DEPDC1: variants seen among roughly 807,000 people sequenced by gnomAD.
DEPDC1 encodes the protein DEP domain containing 1.
DEPDC1 carries 66 observed loss-of-function variants against 86.8 expected under a neutral mutation model. The observed-to-expected ratio is 0.76, with a 90% CI of 0.62 to 0.93. The LOEUF (loss-of-function observed/expected upper bound fraction) is 0.93. Ranked by LOEUF, DEPDC1 falls within the 40% of genes least tolerant of loss-of-function variation. The pLI is 0.00. For missense variants in DEPDC1, 792 were observed against 935.7 expected, an observed-to-expected ratio of 0.85 and a Z score of 2.00; for synonymous variants, 255 against 314.9, an observed-to-expected ratio of 0.81 and a Z score of 2.02.
rs1216230206 is a variant in DEPDC1 at position 68,488,927 on chromosome 1, A to G, written c.579T>C (p.Val193=). The G allele has an allele frequency of 9.5e-6, 15 of 1,574,872 alleles. No homozygotes were observed. Among genetic ancestry groups the G allele is most frequent in the Non-Finnish European group, 1.2e-5 (14 of 1,146,706 alleles). Residue 193 remains valine (V), a synonymous_variant, in exon 4 of 12, where the codon GTT becomes GTC. Transcript: ENST00000456315. ...TAATTTTATCTTACTAGATCAGAATAACATATCTCCAAACTTCTTCAACAT... is the reference window on the plus strand; with the variant it reads ...TAATTTTATCTTACTAGATCAGAATGACATATCTCCAAACTTCTTCAACAT... ...QEDVEEVWRY[V]ILIYLQTILG...
chr1:68,480,908 C>A lies in DEPDC1; in HGVS notation c.1935+532G>T, dbSNP rs17130705. Among the ~76,000 whole-genome samples, 1,312 of 152,026 alleles carry A rather than the reference C, an allele frequency of 8.6e-3. 16 individuals carry two copies. Among genetic ancestry groups the A allele is most frequent in the African/African-American group, 0.031 (1,268 of 41,498 alleles). ...AAGATACTATTTCAAGAGTTCATTT[C>A]CAATCAATTGTCTGCATATAAATGC... On this transcript the variant is annotated intron_variant, in intron 9 of 11. Transcript: ENST00000456315.
rs1646109358 is a variant in DEPDC1, at chr1:68,475,528, C to T, written c.*1404G>A. On this transcript the variant is annotated 3_prime_UTR_variant, in exon 12 of 12. Transcript: ENST00000456315. ...AAAATCAGTAATGTTAAATGGAATACTATCATTTTATAGAGAAACAGTATG... is the reference window on the plus strand; with the variant it reads ...AAAATCAGTAATGTTAAATGGAATATTATCATTTTATAGAGAAACAGTATG... 1 of 151,532 alleles carries T rather than the reference C, an allele frequency of 6.6e-6. No homozygotes were observed. The highest frequency in any genetic ancestry group is 2.1e-4 in the South Asian group (1 of 4,814). The allele number at this position is 151,532 out of a possible 1,614,324, so 9.4% of individuals were successfully genotyped here.
At position 68,481,449 on chromosome 1, in the gene DEPDC1, C is replaced by T. The variant is rs955644071; in HGVS notation, c.1926G>A (p.Thr642=). The change falls in exon 9 of 12, where the codon ACG becomes ACA. Residue 642 remains threonine, a synonymous_variant. Coordinates refer to ENST00000456315, the MANE Select transcript of DEPDC1 (RefSeq NM_001114120.3). ...TAAGAAATCAACTTACCAGTGACCTCGTACCCATTGCATCATGAAGTTTGG... is the reference window on the plus strand; with the variant it reads ...TAAGAAATCAACTTACCAGTGACCTTGTACCCATTGCATCATGAAGTTTGG... The part of the protein sequence containing the change: ...DMPKLHDAMG[T]RSLMIHTFSR... 25 of 1,611,580 alleles carry T rather than the reference C, an allele frequency of 1.6e-5. No individual in the cohort carries two copies. The African/African-American group carries it at 1.9e-4, about 12-fold the overall frequency.
At position 68,482,203 on chromosome 1, in the gene DEPDC1, T is replaced by C. The variant is rs1646161210; in HGVS notation, c.1605A>G (p.Lys535=). 1 of 1,612,930 alleles carries C rather than the reference T, an allele frequency of 6.2e-7. No individual in the cohort carries two copies. Among genetic ancestry groups the C allele is most frequent in the Non-Finnish European group, 8.5e-7 (1 of 1,179,228 alleles). ...INTPVAEIIM[K]PNVGQGSTSV... ...TTGTGCTGCCTTGTCCAACATTTGG[T>C]TTCATGATAATTTCAGCCACTGGTG... The change falls in exon 8 of 12, where the codon AAA becomes AAG. Residue 535 remains lysine, a synonymous_variant. Coordinates refer to ENST00000456315, the MANE Select transcript of DEPDC1 (RefSeq NM_001114120.3).
chr1:68,483,352 G>GT, intron 7 of DEPDC1: 1 of 509,056 alleles, frequency 2.0e-6, no homozygotes, highest in Non-Finnish European at 3.9e-6. Context: ...CTATTTCAGC[G>GT]TATCTGAGTT....
rs1571209448 is a variant in DEPDC1, at chr1:68,496,986, C to A, written c.14G>T (p.Gly5Val). The A allele has an allele frequency of 6.2e-7, 1 of 1,613,474 alleles. No individual in the cohort carries two copies. Among genetic ancestry groups the A allele is most frequent in the South Asian group, 1.1e-5 (1 of 91,066 alleles). The part of the protein sequence containing the change: MESQ[G>V]VPPGPYRATK... ...GGCCCGATAAGGCCCGGGAGGCACA[C>A]CCTGACTCTCCATAGGTCTGTCAGC... Residue 5 changes from glycine (G) to valine (V), a missense_variant, in exon 1 of 12, where the codon GGT becomes GTT. By Grantham distance (109) the Gly-to-Val change is moderately radical. Transcript: ENST00000456315. This position sits in a 1 kb window ranked among gnomAD's most constrained non-coding sequence, Gnocchi z 4.0.
chr1:68,486,022 T>G (rs1361970295), intron 6 of DEPDC1, among the ~76,000 whole-genome samples: 1 of 152,134 alleles, frequency 6.6e-6, no homozygotes, highest in Non-Finnish European at 1.5e-5. Flanking sequence ...GATTTTGTAC[T>G]CATACTAGGG....
chr1:68,488,140 A>AT (rs1257290083), intron 5 of DEPDC1, among the ~76,000 whole-genome samples: 1 of 151,754 alleles, frequency 6.6e-6, no homozygotes, highest in Non-Finnish European at 1.5e-5. Context: ...TAACTTTGTC[A>AT]TTTTTTTAAA....
rs772019792 is a variant in DEPDC1 at position 68,475,310 on chromosome 1, CA to C, written c.*1621del. ...TATATATTTGTCTATAATACAAAAG[CA>C]AAATTATATTGTTACAAAACCCCAA... is the stretch of plus-strand genomic sequence containing the variant. On this transcript the variant is annotated 3_prime_UTR_variant, in exon 12 of 12. Coordinates refer to ENST00000456315, the MANE Select transcript of DEPDC1 (RefSeq NM_001114120.3). 100 of 151,916 alleles carry C rather than the reference CA, an allele frequency of 6.6e-4. 1 individual carries two copies. The Middle Eastern group carries it at 0.027, about 42-fold the overall frequency. The allele number at this position is 151,916 out of a possible 1,614,324, so 9.4% of individuals were successfully genotyped here. A position where few individuals can be genotyped will look rare whatever the true frequency, so the allele number is the denominator to read the frequency against.
At chr1:68,483,682 A>ATAAAC (rs1391242079) in intron 7 of DEPDC1, 1 of 281,700 alleles carries the variant, frequency 3.5e-6, no homozygotes, top group Non-Finnish European at 6.7e-6. Context: ...AGCTTTTATA[A>ATAAAC]TAAACTAATA....
At position 68,494,624 on chromosome 1, in the gene DEPDC1, A is replaced by C. The variant is rs200340643; in HGVS notation, c.120T>G (p.Tyr40Ter). The part of the protein sequence containing the change: ...LRKHRQHFKK[Y>*]GNCFTAGEAV... ...CTTCTCCTGCTGTGAAACAATTGCC[A>C]TATTTTTTAAAGTGTTGTCTGTGTT... Residue 40 changes from tyrosine to a stop codon, truncating the protein, a stop_gained, in exon 2 of 12, where the codon TAT (tyrosine) becomes TAG (stop). Coordinates refer to ENST00000456315, the MANE Select transcript of DEPDC1 (RefSeq NM_001114120.3). LOFTEE classifies it high-confidence loss of function. The C allele has an allele frequency of 1.7e-5, 28 of 1,613,652 alleles. No homozygotes were observed. Among genetic ancestry groups the C allele is most frequent in the Non-Finnish European group, 2.4e-5 (28 of 1,179,768 alleles).
intron 2 of DEPDC1, 144 bp from the exon 3 acceptor site, chr1:68,489,752 T>C: frequency 1.8e-6 from 1 of 551,484 alleles, no homozygotes; most frequent in Non-Finnish European, 3.0e-6. Flanking sequence ...AATTTTCCCA[T>C]TAAACCTTTA....
At chr1:68,485,164 T>TCA (rs57417497) in intron 6 of DEPDC1, among the ~76,000 whole-genome samples, 2,475 of 149,548 alleles carry the variant, frequency 0.017, 46 homozygotes, top group African/African-American at 0.047. Context: ...AGAAAACAAT[T>TCA]CACACACACA....
rs1411074141 is a variant in DEPDC1, at chr1:68,474,347, C to T, written c.*2585G>A. On this transcript the variant is annotated 3_prime_UTR_variant, in exon 12 of 12. Coordinates refer to ENST00000456315, the MANE Select transcript of DEPDC1 (RefSeq NM_001114120.3). Reference sequence around the variant, plus strand: ...ATGAGAAGATTCAGAGTTTAAGCTTCCCAAGGACAGAAAGGTAAGTCAGTG... The same window carrying T: ...ATGAGAAGATTCAGAGTTTAAGCTTTCCAAGGACAGAAAGGTAAGTCAGTG... The T allele has an allele frequency of 1.3e-5, 2 of 152,066 alleles. No individual in the cohort carries two copies. Among genetic ancestry groups the T allele is most frequent in the African/African-American group, 4.8e-5 (2 of 41,416 alleles). The allele number at this position is 152,066 out of a possible 1,614,324, so 9.4% of individuals were successfully genotyped here.
rs1557614890 is a variant in DEPDC1, at chr1:68,476,953, T to C, written c.2415A>G (p.Pro805=). Residue 805 remains proline (P), a synonymous_variant, in exon 12 of 12, where the codon CCA becomes CCG. Transcript: ENST00000456315. ...IKQPMLILRK[P]KFRSLR Reference sequence around the variant, plus strand: ...TTAGTTATCTTAGACTACGGAACTTTGGTTTTCTTAAAATCAGCATTGGTT... The same window carrying C: ...TTAGTTATCTTAGACTACGGAACTTCGGTTTTCTTAAAATCAGCATTGGTT... 1.2e-6 allele frequency: 2 copies of C among 1,600,610 alleles called. No homozygotes were observed. Among genetic ancestry groups the C allele is most frequent in the Admixed American group, 1.7e-5 (1 of 58,744 alleles).
Position 68,482,493 on chromosome 1 carries a change from T to G in DEPDC1, c.1315A>C (p.Ser439Arg), listed in dbSNP as rs761644198. 6.2e-7 allele frequency: 1 copy of G among 1,613,148 alleles called. No individual in the cohort carries two copies. The highest frequency in any genetic ancestry group is 1.1e-5 in the South Asian group (1 of 91,070). ...TTCGGAAAAGATTGATGAAAGACAC[T>G]GGATGCCTCTTTACTTGAATTCCCT... is the stretch of plus-strand genomic sequence containing the variant. ...VPGNSSKEASSVFHQSFPNIE... is the reference protein window; with the variant it reads ...VPGNSSKEASRVFHQSFPNIE... The change falls in exon 8 of 12, where the codon AGT (serine) becomes CGT (arginine). Residue 439 changes from serine (S) to arginine (R), a missense_variant. Ser to Arg is a moderately radical substitution (Grantham distance 110). Transcript: ENST00000456315.
chr1:68,480,607 T>C (rs1278558902), intron 9 of DEPDC1, among the ~76,000 whole-genome samples: 1 of 152,012 alleles, frequency 6.6e-6, no homozygotes, highest in Non-Finnish European at 1.5e-5. Context: ...TTGGAGGTCC[T>C]ATGACTTCAA....
In DEPDC1 at chr1:68,482,325, C is replaced by T; in HGVS notation, c.1483G>A (p.Glu495Lys). Residue 495 changes from glutamate (E) to lysine (K), a missense_variant, in exon 8 of 12, where the codon GAG becomes AAG. Coordinates refer to ENST00000456315, the MANE Select transcript of DEPDC1 (RefSeq NM_001114120.3). ...TTGCATTTCCCATTACACAACTCCT[C>T]TTGGTCTTGAACAGTCAAAGTAGAG... is the stretch of plus-strand genomic sequence containing the variant. ...RTSTLTVQDQ[E>K]ELCNGKCKSK... The T allele has an allele frequency of 1.2e-6, 2 of 1,612,938 alleles. No homozygotes were observed. The highest frequency in any genetic ancestry group is 1.7e-6 in the Non-Finnish European group (2 of 1,179,324).
chr1:68,486,933 T>C lies in DEPDC1; in HGVS notation c.769+4A>G. The C allele has an allele frequency of 6.3e-7, 1 of 1,584,874 alleles. No individual in the cohort carries two copies. Among genetic ancestry groups the C allele is most frequent in the South Asian group, 1.2e-5 (1 of 86,422 alleles). On this transcript the variant is annotated splice_donor_region_variant and intron_variant, in intron 6 of 11. Transcript: ENST00000456315. ...ACACACACACACACATATATTTAAC[T>C]TACAATTTGCTAGGCACTTCATGGC...
Sources: allele counts gnomAD v4.1 joint callset (sites outside exome capture counted in the v4.1 genomes callset), GRCh38; gene constraint gnomAD v4.1.1; non-coding constraint Gnocchi (gnomAD v3.1); transcripts MANE v1.5; gene names NCBI Gene and HGNC (gene_info 2026-07-23, HGNC 2026-07-21).